FGF13: variants seen among roughly 807,000 people sequenced by gnomAD.
FGF13 encodes the protein fibroblast growth factor 13, also known as fibroblast growth factor homologous factor 2.
In FGF13, 2 loss-of-function variants were observed where a neutral mutation model predicts 19.5. That is an observed-to-expected ratio of 0.10 (90% CI 0.04 to 0.32). The LOEUF (loss-of-function observed/expected upper bound fraction) is 0.32. FGF13 is among the 10% of genes least tolerant of loss of function. The probability of loss-of-function intolerance (pLI) is 1.00; values close to 1 mark genes in which losing one functional copy is unlikely to be tolerated. For missense variants in FGF13, 113 were observed against 192.7 expected, an observed-to-expected ratio of 0.59 and a Z score of 2.45; for synonymous variants, 72 against 76.9, an observed-to-expected ratio of 0.94 and a Z score of 0.33.
chrX:138,854,910 G>T (rs930547680), downstream of FGF13, among the ~76,000 whole-genome samples: 71 of 111,384 alleles, frequency 6.4e-4, no homozygotes, highest in African/African-American at 2.2e-3. Context: ...TGGCACGGAG[G>T]CCATGACAGG....
chrX:138,802,409 T>C (rs1181458538), intron 3 of FGF13, among the ~76,000 whole-genome samples: 1 of 111,046 alleles, frequency 9.0e-6, no homozygotes, highest in African/African-American at 3.3e-5. Context: ...CTGCTCACCC[T>C]TGCTGGGCTG....
chrX:138,801,854 C>T (rs1018269159), intron 3 of FGF13, among the ~76,000 whole-genome samples: 4 of 112,036 alleles, frequency 3.6e-5, no homozygotes, highest in Non-Finnish European at 7.5e-5. Flanking sequence ...CCACCCAGTC[C>T]GAACTTCCCA....
In FGF13 at chrX:138,911,351, C is replaced by A. The variant is rs368932433; in HGVS notation, c.-112-46701G>T. 1.0e-4 allele frequency among the ~76,000 whole-genome samples: 11 copies of A among 110,035 alleles called. No homozygotes were observed. The East Asian group carries it at 1.4e-3, about 14-fold the overall frequency. ...GCTGGAGGCCATCATCCCTAGCAAACTAATGCAGGAACAGAAAACTAAATA... is the reference window on the plus strand; with the variant it reads ...GCTGGAGGCCATCATCCCTAGCAAAATAATGCAGGAACAGAAAACTAAATA... On this transcript the variant is annotated intron_variant, in intron 1 of 2. Transcript: ENST00000421460.
At chrX:139,101,383 T>A (rs760342373) in intron 1 of FGF13, among the ~76,000 whole-genome samples, 1 of 112,820 alleles carries the variant, frequency 8.9e-6, no homozygotes, top group South Asian at 3.7e-4. Flanking sequence ...ACCTGTGTGA[T>A]TTATCTTACT....
chrX:139,184,175 C>A lies in FGF13; in HGVS notation c.-113+19241G>T, dbSNP rs745940309. ...CCAACTTAGTACATGTAAATGCTAT[C>A]TGTATGCATATACAGAAATTTCAGA... On this transcript the variant is annotated intron_variant, in intron 1 of 2. Transcript: ENST00000421460. 4.4e-5 allele frequency among the ~76,000 whole-genome samples: 5 copies of A among 112,399 alleles called. No homozygotes were observed. The East Asian group carries it at 1.4e-3, about 31-fold the overall frequency.
chrX:138,695,485 G>C (rs948464329), intron 3 of FGF13, among the ~76,000 whole-genome samples: 1 of 111,834 alleles, frequency 8.9e-6, no homozygotes, highest in Non-Finnish European at 1.9e-5. Flanking sequence ...ATTTACTGCA[G>C]TTCATTACTG....
chrX:138,657,059 C>T (rs1044904879), intron 3 of FGF13, among the ~76,000 whole-genome samples: 1 of 111,457 alleles, frequency 9.0e-6, no homozygotes. Flanking sequence ...ATAGATCACC[C>T]CTGTGCACTC....
intron 3 of FGF13, among the ~76,000 whole-genome samples, chrX:138,683,680 C>A (rs1017294349): frequency 9.0e-6 from 1 of 111,393 alleles, no homozygotes; most frequent in African/African-American, 3.3e-5. Context: ...TTACCATTTT[C>A]AAAAGCTGTC....
At chrX:139,120,660 T>G (rs984303247) in intron 1 of FGF13, among the ~76,000 whole-genome samples, 1 of 112,381 alleles carries the variant, frequency 8.9e-6, no homozygotes, top group Non-Finnish European at 1.9e-5. Flanking sequence ...AAAAGTATTT[T>G]CAAGCCACAC....
At chrX:138,924,831 G>C (rs1400782621) in intron 1 of FGF13, among the ~76,000 whole-genome samples, 1 of 44,746 alleles carries the variant, frequency 2.2e-5, no homozygotes, top group Non-Finnish European at 4.2e-5. Context: ...TTTGAGGTAG[G>C]GGGAAAGTTA....
intron 1 of FGF13, among the ~76,000 whole-genome samples, chrX:138,718,092 G>A (rs1356266774): frequency 8.9e-6 from 1 of 112,305 alleles, no homozygotes; most frequent in East Asian, 2.8e-4. Flanking sequence ...AGTGTCTAGA[G>A]CCAAGAAAAG....
At chrX:139,138,528 C>T (rs2083817317) in intron 1 of FGF13, among the ~76,000 whole-genome samples, 1 of 111,544 alleles carries the variant, frequency 9.0e-6, no homozygotes, top group Non-Finnish European at 1.9e-5. Context: ...ATGAACAACT[C>T]CATCCACAGA....
intron 3 of FGF13, among the ~76,000 whole-genome samples, chrX:138,792,128 A>G (rs2124374148): frequency 8.9e-6 from 1 of 112,146 alleles, no homozygotes; most frequent in Non-Finnish European, 1.9e-5. Context: ...GGACTGAGAT[A>G]CATATCTGCA....
intron 3 of FGF13, among the ~76,000 whole-genome samples, chrX:138,798,220 T>G (rs1307109481): frequency 1.8e-5 from 2 of 111,746 alleles, no homozygotes; most frequent in Non-Finnish European, 3.8e-5. Context: ...GCCCTTATTA[T>G]TTTGAGATAT....
chrX:138,634,306 G>A (rs983473039), intron 4 of FGF13, among the ~76,000 whole-genome samples: 1 of 111,496 alleles, frequency 9.0e-6, no homozygotes, highest in African/African-American at 3.3e-5. Context: ...GCCATTCTCC[G>A]GACCTCGTGA....
chrX:138,788,149 C>T (rs1348146102), intron 3 of FGF13, among the ~76,000 whole-genome samples: 4 of 111,742 alleles, frequency 3.6e-5, no homozygotes, highest in Non-Finnish European at 7.5e-5. Context: ...CTTGTGAAAC[C>T]AAGCAAGTCA....
chrX:139,191,781 C>A (rs142711051), intron 1 of FGF13, among the ~76,000 whole-genome samples: 1 of 111,507 alleles, frequency 9.0e-6, no homozygotes, highest in African/African-American at 3.3e-5. Context: ...CCCTGTGTCA[C>A]CCTGCTCTAG....
chrX:138,901,815 A>G (rs2091532955), intron 1 of FGF13, among the ~76,000 whole-genome samples: 1 of 112,365 alleles, frequency 8.9e-6, no homozygotes, highest in Non-Finnish European at 1.9e-5. Flanking sequence ...CTAAAAGGAT[A>G]CACTGTAGTT....
At chrX:138,905,708 G>A (rs149737691) in intron 1 of FGF13, among the ~76,000 whole-genome samples, 3,040 of 112,166 alleles carry the variant, frequency 0.027, 102 homozygotes, top group African/African-American at 0.094. Flanking sequence ...ACATGCTCTG[G>A]CTTTGCAAAA....
Sources: allele counts gnomAD v4.1 joint callset (sites outside exome capture counted in the v4.1 genomes callset), GRCh38; gene constraint gnomAD v4.1.1; transcripts MANE v1.5; gene names NCBI Gene and HGNC (gene_info 2026-07-23, HGNC 2026-07-21).